The following BPIFB1 variants were observed in gnomAD, a reference collection of about 807,000 sequenced individuals.
BPIFB1 encodes the protein BPI fold-containing family B member 1.
BPIFB1 carries 34 observed loss-of-function variants against 55.1 expected under a neutral mutation model. That is an observed-to-expected ratio of 0.62 (90% CI 0.47 to 0.82). The LOEUF (loss-of-function observed/expected upper bound fraction) is 0.82. Among genes scored for constraint, BPIFB1 ranks in the 40% least tolerant of loss-of-function variants. BPIFB1 has a pLI of 0.00. For missense variants in BPIFB1, 532 were observed against 593.1 expected (o/e 0.90, Z 1.07); for synonymous variants, 236 against 245.3 (o/e 0.96, Z 0.35).
chr20:33,289,820 G>A (rs973084396), intron 3 of BPIFB1, 65 bp from the exon 4 acceptor site: 1 of 1,452,438 alleles, frequency 6.9e-7, no homozygotes, highest in East Asian at 2.3e-5. Flanking sequence ...AAAAGATAGA[G>A]AGGGAGTGGA....
intron 13 of BPIFB1, among the ~76,000 whole-genome samples, chr20:33,305,316 CTTTT>C (rs34490442): frequency 9.4e-6 from 1 of 106,198 alleles, no homozygotes. Context: ...CTATTTTTGA[CTTTT>C]TTTTTTTTTT....
In BPIFB1 at chr20:33,302,899, G is replaced by T. The variant is rs373366057; in HGVS notation, c.982-17G>T. On this transcript the variant is annotated splice_polypyrimidine_tract_variant and intron_variant, in intron 10 of 15. Transcript: ENST00000253354. ...TGGGCACTTGGGAGGCCACATGTGGGTCTGATCTCCTTCCAGGCTGCAGAT... is the reference window on the plus strand; with the variant it reads ...TGGGCACTTGGGAGGCCACATGTGGTTCTGATCTCCTTCCAGGCTGCAGAT... 4.3e-6 allele frequency: 7 copies of T among 1,613,394 alleles called. No homozygotes were observed. The South Asian group carries it at 4.4e-5, about 10-fold the overall frequency.
At chr20:33,304,049 G>A in intron 12 of BPIFB1, 24 bp downstream of exon 12, 1 of 1,598,402 alleles carries the variant, frequency 6.3e-7, no homozygotes. Flanking sequence ...TCATCATGAA[G>A]ATTCTGCTGA....
intron 15 of BPIFB1, among the ~76,000 whole-genome samples, chr20:33,308,558 C>T (rs1167128271): frequency 7.3e-6 from 1 of 136,684 alleles, no homozygotes; most frequent in Non-Finnish European, 1.6e-5. Context: ...CTTTATACAC[C>T]TATACACATA....
chr20:33,304,673 A>C (rs946056673), intron 12 of BPIFB1, among the ~76,000 whole-genome samples, 173 bp from the exon 13 acceptor site: 4 of 146,606 alleles, frequency 2.7e-5, no homozygotes, highest in African/African-American at 1.0e-4. Context: ...TATGCCCCCC[A>C]CCCCACCCCT....
intron 12 of BPIFB1, among the ~76,000 whole-genome samples, chr20:33,304,227 C>A (rs985635304): frequency 6.6e-6 from 1 of 152,208 alleles, no homozygotes; most frequent in Non-Finnish European, 1.5e-5. Context: ...TTGCAGCAGC[C>A]ACGGCACAGG....
At chr20:33,292,793 A>G (rs111479464) in intron 6 of BPIFB1, among the ~76,000 whole-genome samples, 3 of 152,402 alleles carry the variant, frequency 2.0e-5, no homozygotes, top group African/African-American at 4.8e-5. Flanking sequence ...GAATTCATCC[A>G]CATTAACCAG....
chr20:33,288,951 GCT>G, intron 3 of BPIFB1, 69 bp downstream of exon 3: 1 of 1,520,824 alleles, frequency 6.6e-7, no homozygotes, highest in Non-Finnish European at 8.9e-7. Context: ...CGCTCTGCAT[GCT>G]CAGTCAACCA....
At position 33,283,576 on chromosome 20, in the gene BPIFB1, C is replaced by T. The variant is rs984423854; in HGVS notation, c.-42+322C>T. On this transcript the variant is annotated intron_variant, in intron 1 of 15. Coordinates refer to ENST00000253354, the MANE Select transcript of BPIFB1 (RefSeq NM_033197.3). ...GTGCTGGGACAAAAGAAGCATGAGA[C>T]GCAGACTCTGTCCCTCAAAGAACTC... Among the ~76,000 whole-genome samples the T allele has an allele frequency of 5.3e-5, 8 of 152,096 alleles. 1 individual carries two copies. Among genetic ancestry groups the T allele is most frequent in the Admixed American group, 3.3e-4 (5 of 15,270 alleles).
At chr20:33,304,215 C>T (rs1226799918) in intron 12 of BPIFB1, among the ~76,000 whole-genome samples, 190 bp downstream of exon 12, 1 of 152,212 alleles carries the variant, frequency 6.6e-6, no homozygotes, top group East Asian at 1.9e-4. Context: ...ATGAAGTAGG[C>T]CTTGCAGCAG....
chr20:33,299,040 G>C (rs1258209995), intron 7 of BPIFB1: 3 of 330,604 alleles, frequency 9.1e-6, no homozygotes, highest in Non-Finnish European at 2.0e-5. Context: ...CAGGAGTCAT[G>C]CTCATCGTCT....
chr20:33,297,678 C>A, intron 7 of BPIFB1, 90 bp downstream of exon 7: 1 of 1,347,190 alleles, frequency 7.4e-7, no homozygotes, highest in South Asian at 1.2e-5. Context: ...CTCCCCAAGT[C>A]AGGCCTGAGC....
intron 12 of BPIFB1, 38 bp from the exon 13 acceptor site, chr20:33,304,808 A>C: frequency 6.2e-7 from 1 of 1,613,490 alleles, no homozygotes; most frequent in African/African-American, 1.3e-5. Flanking sequence ...AATGAGTGGG[A>C]CTTCAGGGGC....
Position 33,290,820 on chromosome 20 carries a change from A to G in BPIFB1, c.366-137A>G, listed in dbSNP as rs998307650. On this transcript the variant is annotated intron_variant, in intron 4 of 15. Coordinates refer to ENST00000253354, the MANE Select transcript of BPIFB1 (RefSeq NM_033197.3). ...CTGAGCCTGGGACATGCTGGGGTGA[A>G]GTTGGGTGAAGATGAGGAGAAACCA... 3 of 894,024 alleles carry G rather than the reference A, an allele frequency of 3.4e-6. No individual in the cohort carries two copies. The Admixed American group carries it at 7.9e-5, about 24-fold the overall frequency. 55.4% of individuals were successfully genotyped at this position (894,024 alleles called of 1,614,324 possible).
In BPIFB1 at chr20:33,300,057, C is replaced by T. The variant is rs557961740; in HGVS notation, c.747+73C>T. 17 of 1,311,602 alleles carry T rather than the reference C, an allele frequency of 1.3e-5. No homozygotes were observed. In the South Asian group the frequency reaches 2.0e-4, roughly 16 times the overall value. The allele number at this position is 1,311,602 out of a possible 1,614,324, so 81.2% of individuals were successfully genotyped here. A position where few individuals can be genotyped will look rare whatever the true frequency, so the allele number is the denominator to read the frequency against. ...TCTCTGACCACCAGGAGTCAGATAG[C>T]ATGGGCCTGTGTTAGGAGAGAAAAT... On this transcript the variant is annotated intron_variant, in intron 8 of 15. Coordinates refer to ENST00000253354, the MANE Select transcript of BPIFB1 (RefSeq NM_033197.3).
At chr20:33,290,631 C>G (rs1980435761) in intron 4 of BPIFB1, among the ~76,000 whole-genome samples, 1 of 152,104 alleles carries the variant, frequency 6.6e-6, no homozygotes, top group Admixed American at 6.6e-5. Flanking sequence ...GGTCAGTAAC[C>G]AAGACAGGCA....
intron 2 of BPIFB1, among the ~76,000 whole-genome samples, chr20:33,286,499 C>T (rs1037215627): frequency 5.9e-5 from 9 of 152,252 alleles, no homozygotes; most frequent in African/African-American, 1.9e-4. Context: ...GAAATCCCAT[C>T]GTCAGAGCAC....
intron 13 of BPIFB1, among the ~76,000 whole-genome samples, 166 bp from the exon 14 acceptor site, chr20:33,305,836 C>T (rs933284978): frequency 6.6e-6 from 1 of 152,064 alleles, no homozygotes; most frequent in Non-Finnish European, 1.5e-5. Flanking sequence ...CAACCCAGCC[C>T]ATCTGGTCCC....
intron 6 of BPIFB1, among the ~76,000 whole-genome samples, chr20:33,293,833 T>C (rs1980549330): frequency 6.6e-6 from 1 of 150,918 alleles, no homozygotes; most frequent in Non-Finnish European, 1.5e-5. Context: ...ACGGCAAGAC[T>C]CTGTCTCAAA....
Sources: allele counts gnomAD v4.1 joint callset (sites outside exome capture counted in the v4.1 genomes callset), GRCh38; gene constraint gnomAD v4.1.1; transcripts MANE v1.5; gene names NCBI Gene and HGNC (gene_info 2026-07-23, HGNC 2026-07-21).